The following GDAP1L1 variants were observed in gnomAD, a reference collection of about 807,000 sequenced individuals.
GDAP1L1 encodes ganglioside induced differentiation associated protein 1 like 1, also known as ganglioside-induced differentiation-associated protein 1-like 1.
GDAP1L1 carries 21 observed loss-of-function variants against 37.1 expected under a neutral mutation model. The ratio of observed to expected loss-of-function variants is 0.57; its 90% CI spans 0.40 to 0.81. The LOEUF is 0.81. Among genes scored for constraint, GDAP1L1 ranks in the 40% least tolerant of loss-of-function variants. GDAP1L1 has a pLI of 0.00. For missense variants in GDAP1L1, 362 were observed against 491.6 expected, an observed-to-expected ratio of 0.74 and a Z score of 2.49; for synonymous variants, 193 against 209.1, an observed-to-expected ratio of 0.92 and a Z score of 0.67.
At chr20:44,264,580 A>G in intron 5 of GDAP1L1, 21 bp downstream of exon 5, 1 of 1,605,574 alleles carries the variant, frequency 6.2e-7, no homozygotes, top group Non-Finnish European at 8.5e-7. Flanking sequence ...GCCCTGGGGG[A>G]GGTGGGGGCT....
chr20:44,255,762 G>T (rs1281211920), intron 1 of GDAP1L1, among the ~76,000 whole-genome samples: 2 of 152,056 alleles, frequency 1.3e-5, no homozygotes, highest in Non-Finnish European at 2.9e-5. Flanking sequence ...CTCTTTTGGG[G>T]ATACCCTCCC....
intron 5 of GDAP1L1, among the ~76,000 whole-genome samples, chr20:44,271,353 G>A (rs1302003079): frequency 6.6e-6 from 1 of 152,202 alleles, no homozygotes; most frequent in Admixed American, 6.5e-5. Flanking sequence ...GGAGTGGCCA[G>A]TGAAGTAGGA....
intron 2 of GDAP1L1, 24 bp from the exon 3 acceptor site, chr20:44,258,410 C>T (rs774843670): frequency 6.5e-7 from 1 of 1,544,934 alleles, no homozygotes; most frequent in Admixed American, 2.0e-5. Flanking sequence ...GGCTTCCCTG[C>T]CCAGCCCCTG....
intron 5 of GDAP1L1, among the ~76,000 whole-genome samples, chr20:44,275,959 A>G (rs1401415918): frequency 6.6e-6 from 1 of 152,208 alleles, no homozygotes; most frequent in African/African-American, 2.4e-5. Context: ...TACATCAAAG[A>G]AAGAGTATTA....
At chr20:44,250,513 A>G (rs1377130585) in intron 1 of GDAP1L1, among the ~76,000 whole-genome samples, 3 of 152,366 alleles carry the variant, frequency 2.0e-5, no homozygotes, top group Admixed American at 2.0e-4. Context: ...CATGCGGTCA[A>G]ACCCCAACTC....
intron 5 of GDAP1L1, among the ~76,000 whole-genome samples, chr20:44,273,931 C>T (rs891621115): frequency 2.6e-5 from 4 of 152,284 alleles, no homozygotes; most frequent in African/African-American, 4.8e-5. Context: ...ATCCCCACAA[C>T]GACCCACCCA....
intron 3 of GDAP1L1, among the ~76,000 whole-genome samples, chr20:44,259,301 A>G (rs2073629019): frequency 6.6e-6 from 1 of 152,136 alleles, no homozygotes; most frequent in Admixed American, 6.5e-5. Flanking sequence ...CCAGGCTTTG[A>G]ACAAACACCA....
intron 5 of GDAP1L1, among the ~76,000 whole-genome samples, chr20:44,270,854 C>T (rs942165909): frequency 7.2e-5 from 11 of 152,198 alleles, no homozygotes; most frequent in African/African-American, 2.7e-4. Context: ...CTGGAAGTCA[C>T]TCTGCCCCAT....
Position 44,265,428 on chromosome 20 carries a change from A to G in GDAP1L1, c.760+869A>G. 4 of 985,438 alleles carry G rather than the reference A, an allele frequency of 4.1e-6. No individual in the cohort carries two copies. The African/African-American group carries it at 7.0e-5, about 17-fold the overall frequency. The allele number at this position is 985,438 out of a possible 1,614,324, so 61.0% of individuals were successfully genotyped here. A position where few individuals can be genotyped will look rare whatever the true frequency, so the allele number is the denominator to read the frequency against. On this transcript the variant is annotated intron_variant, in intron 5 of 5. Transcript: ENST00000342560. Reference sequence around the variant, plus strand: ...TGTGATGAGTCTTGTCTCCTGAACAATGCAAATTTATGGTGCATTTGCAAC... The same window carrying G: ...TGTGATGAGTCTTGTCTCCTGAACAGTGCAAATTTATGGTGCATTTGCAAC...
intron 5 of GDAP1L1, chr20:44,265,198 C>T (rs924205046): frequency 4.1e-6 from 4 of 985,282 alleles, no homozygotes; most frequent in African/African-American, 1.7e-5. Flanking sequence ...CTCTCGTTGA[C>T]CTTGACTCTT....
chr20:44,266,339 T>G (rs961768374), intron 5 of GDAP1L1, among the ~76,000 whole-genome samples: 7 of 151,598 alleles, frequency 4.6e-5, no homozygotes, highest in Non-Finnish European at 1.0e-4. Flanking sequence ...AAAAGGAACT[T>G]TCCTGTTTCT....
rs1428390886 is a variant in GDAP1L1, at chr20:44,264,354, CAGA to C, written c.646-85_646-83del. 9 of 1,334,512 alleles carry C rather than the reference CAGA, an allele frequency of 6.7e-6. No individual in the cohort carries two copies. The South Asian group carries it at 1.2e-4, about 18-fold the overall frequency. 82.7% of individuals were successfully genotyped at this position (1,334,512 alleles called of 1,614,324 possible). ...GGGGGGCATTTGGAGGCTGGGTTTG[CAGA>C]AGAAGTTCAGCAAAGCTCCTTCCAT... On this transcript the variant is annotated intron_variant, in intron 4 of 5. Coordinates refer to ENST00000342560, the MANE Select transcript of GDAP1L1 (RefSeq NM_024034.6).
intron 1 of GDAP1L1, among the ~76,000 whole-genome samples, chr20:44,249,564 G>A (rs1022179758): frequency 1.3e-5 from 2 of 152,232 alleles, no homozygotes; most frequent in African/African-American, 4.8e-5. Flanking sequence ...ACAGGGGGCA[G>A]GGAGGTGGCA....
Position 44,276,387 on chromosome 20 carries a change from A to AGGAAGGAAGGAAG in GDAP1L1, c.761-2569_761-2568insGAAGGAAGGAAGG, listed in dbSNP as rs1568659401. Among the ~76,000 whole-genome samples, 93 of 96,924 alleles carry AGGAAGGAAGGAAG rather than the reference A, an allele frequency of 9.6e-4. 3 individuals are homozygous for AGGAAGGAAGGAAG. The highest frequency in any genetic ancestry group is 3.9e-3 in the African/African-American group (92 of 23,612). 63.6% of individuals were successfully genotyped at this position (96,924 alleles called of 152,430 possible). On this transcript the variant is annotated intron_variant, in intron 5 of 5. Coordinates refer to ENST00000342560, the MANE Select transcript of GDAP1L1 (RefSeq NM_024034.6). The stretch of plus-strand genomic sequence containing the variant: ...GGAAGGAAGGAAGGAAGGAAGGAAA[A>AGGAAGGAAGGAAG]GAAAAGAAAGGGAAAGAAAAAAGAA...
At chr20:44,278,236 G>A (rs2062605756) in intron 5 of GDAP1L1, among the ~76,000 whole-genome samples, 1 of 152,048 alleles carries the variant, frequency 6.6e-6, no homozygotes, top group Non-Finnish European at 1.5e-5. Context: ...TGCAAGGGTG[G>A]AGGTTCCATT....
chr20:44,258,347 C>A, intron 2 of GDAP1L1, 87 bp from the exon 3 acceptor site: 1 of 1,304,036 alleles, frequency 7.7e-7, no homozygotes. Flanking sequence ...TGGGCAGAGA[C>A]ATCTTGGGGC....
At chr20:44,278,188 G>GAATT (rs2062605125) in intron 5 of GDAP1L1, among the ~76,000 whole-genome samples, 1 of 150,452 alleles carries the variant, frequency 6.6e-6, no homozygotes, top group Non-Finnish European at 1.5e-5. Context: ...GAAAGAAAGA[G>GAATT]AATTAATGGT....
chr20:44,251,874 G>A (rs752748429), intron 1 of GDAP1L1, among the ~76,000 whole-genome samples: 14 of 152,284 alleles, frequency 9.2e-5, no homozygotes, highest in South Asian at 2.1e-4. Flanking sequence ...GAAGTACGGC[G>A]TTATATAATA....
At chr20:44,253,440 G>C (rs536351305) in intron 1 of GDAP1L1, among the ~76,000 whole-genome samples, 10 of 152,336 alleles carry the variant, frequency 6.6e-5, no homozygotes, top group African/African-American at 2.2e-4. Flanking sequence ...ACTGAGGTCA[G>C]AGATGCTAAG....
Sources: allele counts gnomAD v4.1 joint callset (sites outside exome capture counted in the v4.1 genomes callset), GRCh38; gene constraint gnomAD v4.1.1; transcripts MANE v1.5; gene names NCBI Gene and HGNC (gene_info 2026-07-23, HGNC 2026-07-21).